DMD: variants seen among roughly 807,000 people sequenced by gnomAD.
DMD encodes the protein dystrophin.
DMD carries 63 observed loss-of-function variants against 330.1 expected under a neutral mutation model. The observed-to-expected ratio is 0.19, with a 90% confidence interval of 0.16 to 0.24. DMD has a LOEUF of 0.24. Ranked by LOEUF, DMD falls within the 10% of genes least tolerant of loss-of-function variation. The pLI, the probability that DMD is intolerant of heterozygous loss-of-function variation, is 1.00. For synonymous variants in DMD, 1,223 were observed against 959.8 expected, an observed-to-expected ratio of 1.27 and a Z score of -5.07; for missense variants, 3,344 against 2,684.1, an observed-to-expected ratio of 1.25 and a Z score of -5.43.
At chrX:31,772,821 T>C (rs766383624) in intron 51 of DMD, among the ~76,000 whole-genome samples, 1 of 111,642 alleles carries the variant, frequency 9.0e-6, no homozygotes, top group Non-Finnish European at 1.9e-5. Context: ...GGTACATATA[T>C]GTAGTATTTA....
At chrX:32,574,098 T>G (rs2052747719) in intron 13 of DMD, among the ~76,000 whole-genome samples, 1 of 111,849 alleles carries the variant, frequency 8.9e-6, no homozygotes, top group South Asian at 3.7e-4. Flanking sequence ...TACCACTATA[T>G]AAAATGGCTC....
At chrX:31,240,068 T>C (rs2048097586) in intron 63 of DMD, among the ~76,000 whole-genome samples, 1 of 111,788 alleles carries the variant, frequency 8.9e-6, no homozygotes, top group Non-Finnish European at 1.9e-5. Context: ...GTTGTCCAAT[T>C]TGACTTAAAG....
At chrX:31,760,336 C>T (rs752711188) in intron 51 of DMD, among the ~76,000 whole-genome samples, 90 of 112,062 alleles carry the variant, frequency 8.0e-4, no homozygotes, top group African/African-American at 2.5e-3. Context: ...TGATGAGTTT[C>T]GAGATAATTA....
chrX:32,214,522 A>C (rs997682872), intron 44 of DMD, among the ~76,000 whole-genome samples: 6 of 111,962 alleles, frequency 5.4e-5, no homozygotes, highest in African/African-American at 1.6e-4. Flanking sequence ...ACTTCACAAA[A>C]GAATTAAAGG....
chrX:32,935,537 A>G (rs1228685093), intron 2 of DMD, among the ~76,000 whole-genome samples: 1 of 112,253 alleles, frequency 8.9e-6, no homozygotes, highest in Non-Finnish European at 1.9e-5. Context: ...TGGTATGACC[A>G]TAATACAATT....
chrX:31,303,560 C>T (rs759187942), intron 62 of DMD, among the ~76,000 whole-genome samples: 41 of 111,391 alleles, frequency 3.7e-4, no homozygotes, highest in Middle Eastern at 4.6e-3. Flanking sequence ...TTTTTACCTC[C>T]TAAAAATCTC....
chrX:31,806,641 T>G (rs1040151191), intron 50 of DMD, among the ~76,000 whole-genome samples: 8 of 112,626 alleles, frequency 7.1e-5, no homozygotes, highest in Non-Finnish European at 1.5e-4. Context: ...TATGGCTTAT[T>G]GCTGACCTCA....
chrX:32,691,998 C>A (rs953055314), intron 9 of DMD, among the ~76,000 whole-genome samples: 9 of 110,870 alleles, frequency 8.1e-5, no homozygotes, highest in African/African-American at 1.3e-4. Flanking sequence ...TTGCTAGAGG[C>A]TGTGGAGAGG....
At chrX:32,969,027 C>CAAAAAAAAAA (rs142087164) in intron 2 of DMD, among the ~76,000 whole-genome samples, 11 of 19,827 alleles carry the variant, frequency 5.5e-4, no homozygotes, top group Non-Finnish European at 8.4e-4. Flanking sequence ...GATTCTGTCT[C>CAAAAAAAAAA]AAAAAAAAAA....
At chrX:32,850,725 T>C (rs2081070746) in intron 2 of DMD, among the ~76,000 whole-genome samples, 1 of 112,009 alleles carries the variant, frequency 8.9e-6, no homozygotes, top group African/African-American at 3.2e-5. Context: ...CTTTCTTTTG[T>C]CATACTTCAC....
At chrX:31,478,469 A>C in intron 58 of DMD, 95 bp from the exon 59 acceptor site, 1 of 1,117,584 alleles carries the variant, frequency 8.9e-7, no homozygotes, top group Non-Finnish European at 1.2e-6. Context: ...GTACAGTTGA[A>C]CAAGAGGGTA....
intron 1 of DMD, among the ~76,000 whole-genome samples, chrX:33,272,042 CCTGA>C (rs1439211681): frequency 9.1e-6 from 1 of 109,672 alleles, no homozygotes; most frequent in Non-Finnish European, 1.9e-5. Flanking sequence ...CACCACCACG[CCTGA>C]CTAATTTTTG....
intron 52 of DMD, among the ~76,000 whole-genome samples, chrX:31,696,884 G>A (rs904364725): frequency 6.2e-5 from 7 of 112,179 alleles, no homozygotes; most frequent in African/African-American, 1.9e-4. Context: ...ACATACAGAC[G>A]AATCAAGCAG....
intron 2 of DMD, among the ~76,000 whole-genome samples, chrX:32,982,478 C>T (rs1357219202): frequency 4.5e-5 from 5 of 111,729 alleles, no homozygotes; most frequent in African/African-American, 1.6e-4. Context: ...AATATTCTTT[C>T]TCATGAAAAA....
At chrX:31,978,884 A>C (rs2095456568) in intron 44 of DMD, among the ~76,000 whole-genome samples, 1 of 111,779 alleles carries the variant, frequency 8.9e-6, no homozygotes, top group Non-Finnish European at 1.9e-5. Context: ...ATGTTTGTTA[A>C]ATGGATAAAG....
intron 47 of DMD, among the ~76,000 whole-genome samples, chrX:31,899,115 A>G (rs940922223): frequency 1.8e-5 from 2 of 112,197 alleles, no homozygotes; most frequent in South Asian, 3.6e-4. Context: ...GAATACATTT[A>G]TAAACTTATA....
At chrX:31,370,098 C>CAAAAAA (rs59989996) in intron 60 of DMD, among the ~76,000 whole-genome samples, 1 of 59,350 alleles carries the variant, frequency 1.7e-5, no homozygotes, top group African/African-American at 7.9e-5. Context: ...GGCTCCGTCT[C>CAAAAAA]AAAAAAAAAA....
intron 13 of DMD, among the ~76,000 whole-genome samples, chrX:32,578,197 A>T (rs2053271787): frequency 9.2e-6 from 1 of 109,257 alleles, no homozygotes; most frequent in Non-Finnish European, 1.9e-5. Flanking sequence ...TCTTCTCTAG[A>T]GAAAAAAAAA....
At chrX:32,560,186 G>GA (rs58266350) in intron 16 of DMD, among the ~76,000 whole-genome samples, 28,657 of 100,607 alleles carry the variant, frequency 0.28, 3,915 homozygotes, top group Non-Finnish European at 0.41. Context: ...AGACTCGCTT[G>GA]AAAAAAAAAA....
Sources: allele counts gnomAD v4.1 joint callset (sites outside exome capture counted in the v4.1 genomes callset), GRCh38; gene constraint gnomAD v4.1.1; transcripts MANE v1.5; gene names NCBI Gene and HGNC (gene_info 2026-07-23, HGNC 2026-07-21).